The following ARCN1 variants were observed in gnomAD, a reference collection of about 807,000 sequenced individuals.
ARCN1 encodes coatomer subunit delta.
Under a neutral mutation model 60.4 loss-of-function variants are expected in ARCN1, and 5 were observed. That is an observed-to-expected ratio of 0.08 (90% CI 0.04 to 0.17). The LOEUF is 0.17. Ranked by LOEUF, ARCN1 falls within the 10% of genes least tolerant of loss-of-function variation. The pLI is 1.00. For synonymous variants in ARCN1, 224 were observed against 220.0 expected, an observed-to-expected ratio of 1.02 and a Z score of -0.16; for missense variants, 464 against 626.5, an observed-to-expected ratio of 0.74 and a Z score of 2.77.
intron 8 of ARCN1, among the ~76,000 whole-genome samples, chr11:118,596,164 T>C (rs1447734368): frequency 6.6e-6 from 1 of 152,238 alleles, no homozygotes; most frequent in East Asian, 1.9e-4. Flanking sequence ...CATTCTTGTT[T>C]CCAATTTTAA....
chr11:118,590,195 ATGT>A (rs1266589298), intron 5 of ARCN1, 143 bp from the exon 6 acceptor site: 1 of 517,344 alleles, frequency 1.9e-6, no homozygotes. Flanking sequence ...GGGTTTCTCC[ATGT>A]TGGTCAGGCT....
intron 5 of ARCN1, among the ~76,000 whole-genome samples, chr11:118,586,269 T>C (rs1938776558): frequency 6.6e-6 from 1 of 152,018 alleles, no homozygotes; most frequent in Non-Finnish European, 1.5e-5. Flanking sequence ...CTAATTTTCT[T>C]ATTTTTAGTA....
intron 8 of ARCN1, among the ~76,000 whole-genome samples, chr11:118,596,976 G>A (rs1555077267): frequency 2.0e-5 from 3 of 152,186 alleles, no homozygotes; most frequent in African/African-American, 7.2e-5. Flanking sequence ...TTGGGAGGCC[G>A]AGGCAAGTGG....
At chr11:118,578,630 A>G (rs572822026) in intron 1 of ARCN1, among the ~76,000 whole-genome samples, 64 of 152,208 alleles carry the variant, frequency 4.2e-4, no homozygotes, top group South Asian at 2.1e-3. Context: ...GGGATTTTCT[A>G]TGGGCCATTT....
chr11:118,595,130 C>G (rs535028089), intron 8 of ARCN1, among the ~76,000 whole-genome samples: 1 of 152,236 alleles, frequency 6.6e-6, no homozygotes, highest in Non-Finnish European at 1.5e-5. Flanking sequence ...GGATTACAGG[C>G]GTGAGCCACT....
chr11:118,577,297 A>G lies in ARCN1; in HGVS notation c.4-3949A>G, dbSNP rs141610200. On this transcript the variant is annotated intron_variant, in intron 1 of 9. Coordinates refer to ENST00000264028, the MANE Select transcript of ARCN1 (RefSeq NM_001655.5). ...AGTCTCACTTTGTAGCCCAGGCTGG[A>G]GTGAAGTGGTATGATCTTGGCTTAC... Among the ~76,000 whole-genome samples, 1,391 of 150,362 alleles carry G rather than the reference A, an allele frequency of 9.3e-3. 20 individuals carry two copies. The highest frequency in any genetic ancestry group is 0.032 in the African/African-American group (1,319 of 40,850).
chr11:118,575,165 A>T (rs1938461415), intron 1 of ARCN1, among the ~76,000 whole-genome samples: 2 of 152,132 alleles, frequency 1.3e-5, no homozygotes, highest in Middle Eastern at 3.4e-3. Context: ...TTTTTAGTAG[A>T]TACGGGGTTT....
At chr11:118,593,873 G>T (rs907286170) in intron 8 of ARCN1, 175 bp downstream of exon 8, 3 of 470,154 alleles carry the variant, frequency 6.4e-6, no homozygotes, top group South Asian at 2.9e-5. Flanking sequence ...CCACTTCTTT[G>T]TCTTTCTGGA....
intron 1 of ARCN1, 185 bp downstream of exon 1, chr11:118,572,735 C>T: frequency 3.4e-6 from 2 of 590,196 alleles, no homozygotes; most frequent in Non-Finnish European, 5.8e-6. Flanking sequence ...ATGGAGCTGA[C>T]TCCAGTCCAT....
intron 6 of ARCN1, among the ~76,000 whole-genome samples, chr11:118,591,122 G>C (rs1041945909): frequency 6.6e-6 from 1 of 152,232 alleles, no homozygotes; most frequent in African/African-American, 2.4e-5. Context: ...TATTTGAAAA[G>C]TACATAAAAT....
At chr11:118,583,070 A>C in intron 2 of ARCN1, 109 bp from the exon 3 acceptor site, 1 of 1,245,056 alleles carries the variant, frequency 8.0e-7, no homozygotes, top group Non-Finnish European at 1.1e-6. Flanking sequence ...AGAAGTAGCT[A>C]ATAAAGGGAT....
Position 118,597,734 on chromosome 11 carries a change from T to C in ARCN1, c.1269T>C (p.Gly423=). 1.2e-6 allele frequency: 2 copies of C among 1,613,946 alleles called. No individual in the cohort carries two copies. Among genetic ancestry groups the C allele is most frequent in the Non-Finnish European group, 8.5e-7 (1 of 1,179,866 alleles). ...CTGGTGTCGGCGCGCCTGTTATCGG[T>C]GAGATCGATGGGGAGTATCGACATG... ...LPSGVGAPVI[G]EIDGEYRHDS... is the part of the protein sequence containing the mutation. The change falls in exon 9 of 10, where the codon GGT becomes GGC. Residue 423 remains glycine, a synonymous_variant. Coordinates refer to ENST00000264028, the MANE Select transcript of ARCN1 (RefSeq NM_001655.5).
At chr11:118,596,231 T>A (rs1555077147) in intron 8 of ARCN1, among the ~76,000 whole-genome samples, 1 of 152,198 alleles carries the variant, frequency 6.6e-6, no homozygotes, top group Non-Finnish European at 1.5e-5. Flanking sequence ...TCCTCTACAG[T>A]ATGGTTATTG....
Position 118,572,423 on chromosome 11 carries a change from C to A in ARCN1, c.-125C>A, listed in dbSNP as rs375396039. The A allele has an allele frequency of 3.8e-6, 3 of 790,132 alleles. No individual in the cohort carries two copies. The highest frequency in any genetic ancestry group is 5.2e-6 in the Non-Finnish European group (3 of 581,690). 48.9% of individuals were successfully genotyped at this position (790,132 alleles called of 1,614,324 possible). On this transcript the variant is annotated 5_prime_UTR_variant, in exon 1 of 10. Coordinates refer to ENST00000264028, the MANE Select transcript of ARCN1 (RefSeq NM_001655.5). Reference sequence around the variant, plus strand: ...TTGGGGCCGCCATCTTGGCAAGAGGCGAAGCGGCAGCGGTTCCTGTCAAGG... The same window carrying A: ...TTGGGGCCGCCATCTTGGCAAGAGGAGAAGCGGCAGCGGTTCCTGTCAAGG...
rs1939139102 is a variant in ARCN1 at position 118,601,168 on chromosome 11, G to C, written c.*454G>C. ...ACCTCCGCCTCCTGGGTTCAAGCAA[G>C]TCTCCTGCCTCAGCCTCCGAGTAGC... On this transcript the variant is annotated 3_prime_UTR_variant, in exon 10 of 10. Transcript: ENST00000264028. The C allele has an allele frequency of 4.9e-6, 1 of 203,006 alleles. No individual in the cohort carries two copies. Among genetic ancestry groups the C allele is most frequent in the Admixed American group, 5.8e-5 (1 of 17,174 alleles). The allele number at this position is 203,006 out of a possible 1,614,324, so 12.6% of individuals were successfully genotyped here.
rs148666200 is a variant in ARCN1, at chr11:118,583,263, G to A, written c.352G>A (p.Ala118Thr). The change falls in exon 3 of 10, where the codon GCA becomes ACA. Residue 118 changes from alanine (A) to threonine (T), a missense_variant. Physicochemically the swap from Ala to Thr is moderately conservative, Grantham distance 58. Transcript: ENST00000264028. ...DLIFAFDEIV[A>T]LGYRENVNLA... is the part of the protein sequence containing the mutation. Reference sequence around the variant, plus strand: ...GATTTTTGCTTTTGATGAAATTGTCGCACTGGGATACCGGGAGAATGTTAA... The same window carrying A: ...GATTTTTGCTTTTGATGAAATTGTCACACTGGGATACCGGGAGAATGTTAA... 5.6e-6 allele frequency: 9 copies of A among 1,613,988 alleles called. No homozygotes were observed. The highest frequency in any genetic ancestry group is 1.7e-5 in the Admixed American group (1 of 60,000).
Position 118,600,678 on chromosome 11 carries a change from G to A in ARCN1, c.1500G>A (p.Glu500=), listed in dbSNP as rs782607677. 1.9e-5 allele frequency: 30 copies of A among 1,612,154 alleles called. No homozygotes were observed. The highest frequency in any genetic ancestry group is 2.4e-5 in the Non-Finnish European group (28 of 1,179,292). ...DGNSPVRFST[E]TTFLVDKYEI... ...ACAGCCCCGTCAGGTTTTCCACAGA[G>A]ACCACTTTCCTAGTGGATAAGTATG... Residue 500 remains glutamate, a synonymous_variant, in exon 10 of 10, where the codon GAG becomes GAA. Coordinates refer to ENST00000264028, the MANE Select transcript of ARCN1 (RefSeq NM_001655.5).
In ARCN1 at chr11:118,601,564, A is replaced by G; in HGVS notation, c.*850A>G. On this transcript the variant is annotated 3_prime_UTR_variant, in exon 10 of 10. Coordinates refer to ENST00000264028, the MANE Select transcript of ARCN1 (RefSeq NM_001655.5). ...TATTTGGCACTCCTGGAACAAGTAT[A>G]TCTAACCCATTCTTGATTTTTGGAC... The G allele has an allele frequency of 2.9e-6, 2 of 695,140 alleles. No individual in the cohort carries two copies. The highest frequency in any genetic ancestry group is 5.3e-6 in the Non-Finnish European group (2 of 380,578). The allele number at this position is 695,140 out of a possible 1,614,324, so 43.1% of individuals were successfully genotyped here.
intron 6 of ARCN1, among the ~76,000 whole-genome samples, chr11:118,592,019 C>A (rs1041083616): frequency 2.0e-4 from 30 of 151,660 alleles, no homozygotes; most frequent in Non-Finnish European, 3.1e-4. Context: ...CTCCCGGGTT[C>A]AAGCCATTCT....
Sources: gnomAD v4.1 joint callset for allele counts (sites outside exome capture counted in the v4.1 genomes callset) on GRCh38, gnomAD v4.1.1 for gene constraint, MANE v1.5 for transcripts, NCBI Gene and HGNC (gene_info 2026-07-23, HGNC 2026-07-21) for gene names.